Variants in SPPL2B observed in about 807,000 individuals in gnomAD.
SPPL2B encodes signal peptide peptidase-like 2B.
A neutral mutation model predicts 59.7 loss-of-function variants in SPPL2B; 39 were observed. The observed-to-expected ratio is 0.65, with a 90% confidence interval of 0.51 to 0.85. The LOEUF is 0.85. Ranked by LOEUF, SPPL2B falls within the 40% of genes least tolerant of loss-of-function variation. SPPL2B has a pLI of 0.00. For missense variants in SPPL2B, 865 were observed against 849.0 expected, an observed-to-expected ratio of 1.02 and a Z score of -0.23; for synonymous variants, 419 against 370.8, an observed-to-expected ratio of 1.13 and a Z score of -1.49.
At chr19:2,336,747 G>A (rs575585829) in intron 2 of SPPL2B, among the ~76,000 whole-genome samples, 2 of 151,898 alleles carry the variant, frequency 1.3e-5, no homozygotes, top group African/African-American at 2.4e-5. Context: ...CGGCCTGGCT[G>A]TGTATGTGTG....
At chr19:2,343,176 C>T (rs1969157276) in intron 8 of SPPL2B, 35 bp from the exon 9 acceptor site, 15 of 1,540,282 alleles carry the variant, frequency 9.7e-6, no homozygotes, top group South Asian at 1.2e-5. Flanking sequence ...GTCAGCCAGC[C>T]TCTGCCCCGG....
Position 2,351,546 on chromosome 19 carries a change from G to T in SPPL2B, c.1467G>T (p.Ala489=). ...CGCTGGTGACGAGCTGCGCTGTGGC[G>T]CTCTGGCGCCGGGAGCTGGGCGTGT... ...PCTLVTSCAV[A]LWRRELGVFW... is the part of the protein sequence containing the mutation. The change falls in exon 14 of 15, where the codon GCG becomes GCT. Residue 489 remains alanine, a synonymous_variant. Transcript: ENST00000613503. 2 of 1,611,280 alleles carry T rather than the reference G, an allele frequency of 1.2e-6. No individual in the cohort carries two copies. The highest frequency in any genetic ancestry group is 1.7e-6 in the Non-Finnish European group (2 of 1,179,368).
chr19:2,337,637 T>G lies in SPPL2B; in HGVS notation c.369+12T>G. 1 of 1,541,388 alleles carries G rather than the reference T, an allele frequency of 6.5e-7. No homozygotes were observed. Among genetic ancestry groups the G allele is most frequent in the Non-Finnish European group, 8.8e-7 (1 of 1,142,712 alleles). ...GCAGGGAGAGGCTGGTACGGCCCTG[T>G]GCGTCCCCCGCTGGGCCAGCTCTCA... is the stretch of plus-strand genomic sequence containing the variant. On this transcript the variant is annotated intron_variant, in intron 3 of 14. Coordinates refer to ENST00000613503, the MANE Select transcript of SPPL2B (RefSeq NM_152988.3).
chr19:2,348,859 G>A (rs1316986416), intron 13 of SPPL2B, among the ~76,000 whole-genome samples: 29 of 129,936 alleles, frequency 2.2e-4, no homozygotes, highest in African/African-American at 8.6e-4. Flanking sequence ...ACACACTCAC[G>A]CGCTGTCATT....
At chr19:2,335,206 CGCCTCCTTTCCACTGCATCCT>C (rs1968497188) in intron 2 of SPPL2B, among the ~76,000 whole-genome samples, 1 of 137,726 alleles carries the variant, frequency 7.3e-6, no homozygotes, top group African/African-American at 2.9e-5. Context: ...CCTCAGGCCC[CGCCTCCTTTCCACTGCATCCT>C]TCAGGCCCCG....
In SPPL2B at chr19:2,352,937, C is replaced by T. The variant is rs372179394; in HGVS notation, c.1516-9C>T. 13 of 1,611,940 alleles carry T rather than the reference C, an allele frequency of 8.1e-6. No homozygotes were observed. The highest frequency in any genetic ancestry group is 1.3e-5 in the African/African-American group (1 of 74,868). ...TCTCCGCCTCACCTCTGCCTCCCTT[C>T]TCCTGTAGAAAGTCCTACCTCCATC... On this transcript the variant is annotated splice_polypyrimidine_tract_variant and intron_variant, in intron 14 of 14. Coordinates refer to ENST00000613503, the MANE Select transcript of SPPL2B (RefSeq NM_152988.3).
intron 1 of SPPL2B, chr19:2,330,401 C>T (rs1236473717): frequency 2.0e-5 from 3 of 152,180 alleles, no homozygotes; most frequent in Admixed American, 2.0e-4. Flanking sequence ...AGGCGTGAGC[C>T]ACCGTGCCCG....
intron 8 of SPPL2B, chr19:2,341,602 G>A: frequency 2.2e-6 from 1 of 456,374 alleles, no homozygotes; most frequent in South Asian, 1.5e-5. Context: ...CCCCACCGCT[G>A]TCGCTGATAC....
chr19:2,346,479 A>G (rs951875087), intron 13 of SPPL2B, among the ~76,000 whole-genome samples: 1 of 152,214 alleles, frequency 6.6e-6, no homozygotes, highest in Admixed American at 6.5e-5. Context: ...CAGCCTGGGC[A>G]ACATAGTAAG....
intron 11 of SPPL2B, 49 bp downstream of exon 11, chr19:2,344,473 G>A (rs773342097): frequency 6.4e-7 from 1 of 1,567,178 alleles, no homozygotes; most frequent in Admixed American, 1.8e-5. Context: ...TCAAGGTGTT[G>A]CGCGGAGCGG....
At position 2,344,620 on chromosome 19, in the gene SPPL2B, C is replaced by G; in HGVS notation, c.1244C>G (p.Ser415Cys). Residue 415 changes from serine to cysteine, a missense_variant, in exon 12 of 15, where the codon TCC (serine) becomes TGC (cysteine). By Grantham distance (112) the Ser-to-Cys change is moderately radical. Coordinates refer to ENST00000613503, the MANE Select transcript of SPPL2B (RefSeq NM_152988.3). The part of the protein sequence containing the change: ...SPLALCDRPF[S>C]LLGFGDILVP... ...CTGGCCCTGTGTGACCGGCCCTTCT[C>G]CCTCCTGGGTTTCGGAGACATTTTG... 6.2e-7 allele frequency: 1 copy of G among 1,612,934 alleles called. No homozygotes were observed.
At chr19:2,351,341 TCCA>T (rs1181782973) in intron 13 of SPPL2B, 90 bp from the exon 14 acceptor site, 14 of 1,088,942 alleles carry the variant, frequency 1.3e-5, no homozygotes, top group Admixed American at 4.1e-5. Context: ...ACCCCTGCCC[TCCA>T]CCAACCCCAG....
At chr19:2,339,744 C>T (rs1378220812) in intron 5 of SPPL2B, 80 bp from the exon 6 acceptor site, 8 of 1,519,894 alleles carry the variant, frequency 5.3e-6, no homozygotes, top group Admixed American at 3.9e-5. Context: ...CTGCCCCGTT[C>T]CCCCGGGTGG....
At chr19:2,343,187 C>G in intron 8 of SPPL2B, 24 bp from the exon 9 acceptor site, 2 of 1,546,722 alleles carry the variant, frequency 1.3e-6, no homozygotes, top group East Asian at 2.4e-5. Flanking sequence ...TCTGCCCCGG[C>G]GAGGATGCTG....
chr19:2,328,882 A>G (rs1371631355), intron 1 of SPPL2B, 107 bp downstream of exon 1: 1 of 999,998 alleles, frequency 1.0e-6, no homozygotes, highest in Non-Finnish European at 1.3e-6. Context: ...TTGGGGGTCC[A>G]GCCTCGGGGA....
chr19:2,347,260 C>CCA (rs1419188109), intron 13 of SPPL2B, among the ~76,000 whole-genome samples: 24 of 131,926 alleles, frequency 1.8e-4, no homozygotes, highest in Admixed American at 3.0e-4. Flanking sequence ...CGTTCTCTCT[C>CCA]CACACACACT....
intron 2 of SPPL2B, among the ~76,000 whole-genome samples, chr19:2,336,476 AGT>A (rs772655380): frequency 1.4e-5 from 2 of 147,754 alleles, no homozygotes; most frequent in African/African-American, 2.5e-5. Context: ...TGTGTGCATG[AGT>A]GTGTGTGAGT....
rs1432675016 is a variant in SPPL2B, at chr19:2,339,091, CGGCGCTGTATGCGCCT to C, written c.483_498del (p.Ala162ArgfsTer32). ...CAGCGTTTCGGCCGCACGGTGAGGG[CGGCGCTGTATGCGCCT>C]AAGGAGCCGGTGCTGGACTACAACA... On this transcript the variant is annotated frameshift_variant, in exon 5 of 15. Coordinates refer to ENST00000613503, the MANE Select transcript of SPPL2B (RefSeq NM_152988.3). LOFTEE classifies it high-confidence loss of function. 6.4e-7 allele frequency: 1 copy of C among 1,565,550 alleles called. No homozygotes were observed. Among genetic ancestry groups the C allele is most frequent in the Non-Finnish European group, 8.7e-7 (1 of 1,155,524 alleles).
chr19:2,340,136 C>G lies in SPPL2B; in HGVS notation c.803C>G (p.Ala268Gly). ...ASATGLYSCL[A>G]PCVRRLPFGK... ...GCCACCGGCCTCTACAGCTGCCTGG[C>G]GCCCTGTGTGCGGCGGCTGCCCTTC... The change falls in exon 7 of 15, where the codon GCG (alanine) becomes GGG (glycine). Residue 268 changes from alanine to glycine, a missense_variant. Ala to Gly is a moderately conservative substitution (Grantham distance 60, BLOSUM62 0). Coordinates refer to ENST00000613503, the MANE Select transcript of SPPL2B (RefSeq NM_152988.3). 1 of 1,589,598 alleles carries G rather than the reference C, an allele frequency of 6.3e-7. No individual in the cohort carries two copies. Among genetic ancestry groups the G allele is most frequent in the Non-Finnish European group, 8.5e-7 (1 of 1,174,096 alleles).
Sources: gnomAD v4.1 joint callset for allele counts (sites outside exome capture counted in the v4.1 genomes callset) on GRCh38, gnomAD v4.1.1 for gene constraint, MANE v1.5 for transcripts, NCBI Gene and HGNC (gene_info 2026-07-23, HGNC 2026-07-21) for gene names.